The following CAB39L variants were observed in gnomAD, a reference collection of about 807,000 sequenced individuals.
The protein encoded by CAB39L is calcium-binding protein 39-like.
In CAB39L, 23 loss-of-function variants were observed where a neutral mutation model predicts 39.1. That is an observed-to-expected ratio of 0.59 (90% confidence interval 0.42 to 0.83). The LOEUF is 0.83. CAB39L is among the 40% of genes least tolerant of loss of function. The probability of loss-of-function intolerance (pLI) is 0.00; values close to 1 mark genes in which losing one functional copy is unlikely to be tolerated. For missense variants in CAB39L, 366 were observed against 391.9 expected, an observed-to-expected ratio of 0.93 and a Z score of 0.56; for synonymous variants, 126 against 137.2, an observed-to-expected ratio of 0.92 and a Z score of 0.57.
Position 49,376,969 on chromosome 13 carries a change from CAA to C in CAB39L, c.272_273del (p.Phe91Ter). ...TLIADLQLIDFEGKKDVTQIF... is the reference protein window; with the variant it reads ...TLIADLQLIDXEGKKDVTQIF... ...ACATCCTTTTACAGCTGGCTTACCT[CAA>C]AGTCTATCAGCTGCAGGTCAGCTAT... On this transcript the variant is annotated frameshift_variant, in exon 5 of 11. Coordinates refer to ENST00000409308, the MANE Select transcript of CAB39L (RefSeq NM_001079670.3). LOFTEE classifies it high-confidence loss of function. 1 of 1,606,218 alleles carries C rather than the reference CAA, an allele frequency of 6.2e-7. No individual in the cohort carries two copies. The highest frequency in any genetic ancestry group is 1.7e-5 in the Admixed American group (1 of 59,204).
At chr13:49,394,585 T>G (rs1956566138) in intron 3 of CAB39L, among the ~76,000 whole-genome samples, 1 of 152,170 alleles carries the variant, frequency 6.6e-6, no homozygotes, top group African/African-American at 2.4e-5. Flanking sequence ...CAAAAATGTT[T>G]ACTGCAATTT....
chr13:49,418,636 T>G (rs1957122194), intron 3 of CAB39L, among the ~76,000 whole-genome samples: 1 of 152,216 alleles, frequency 6.6e-6, no homozygotes, highest in African/African-American at 2.4e-5. Flanking sequence ...TGGCATGATC[T>G]CAACTCACTG....
chr13:49,441,611 T>A (rs534357820), intron 1 of CAB39L, among the ~76,000 whole-genome samples: 29 of 152,306 alleles, frequency 1.9e-4, no homozygotes, highest in South Asian at 4.1e-4. Context: ...TGTATGGACA[T>A]GCTGGAGTTT....
At chr13:49,360,600 C>T (rs915484736) in intron 5 of CAB39L, among the ~76,000 whole-genome samples, 5 of 152,084 alleles carry the variant, frequency 3.3e-5, no homozygotes, top group Non-Finnish European at 5.9e-5. Context: ...AAAATAAGTA[C>T]AAGAATGACT....
At position 49,308,867 on chromosome 13, in the gene CAB39L, G is replaced by C. The variant is rs1953907756; in HGVS notation, c.*1947C>G. 1 of 152,308 alleles carries C rather than the reference G, an allele frequency of 6.6e-6. No homozygotes were observed. Among genetic ancestry groups the C allele is most frequent in the Non-Finnish European group, 1.5e-5 (1 of 67,998 alleles). The allele number at this position is 152,308 out of a possible 1,614,324, so 9.4% of individuals were successfully genotyped here. On this transcript the variant is annotated 3_prime_UTR_variant, in exon 11 of 11. Transcript: ENST00000409308. ...AACCCCAGACTCTAGTTTTCTGTTT[G>C]AAAGGTACTGAGCTGGGATAATGGG...
At chr13:49,323,901 C>T (rs904427816) in intron 10 of CAB39L, among the ~76,000 whole-genome samples, 2 of 151,912 alleles carry the variant, frequency 1.3e-5, no homozygotes, top group Non-Finnish European at 2.9e-5. Flanking sequence ...TAGTATGTTC[C>T]GTGCAGTGCT....
chr13:49,337,644 T>C (rs1280057701), intron 9 of CAB39L, among the ~76,000 whole-genome samples: 3 of 151,806 alleles, frequency 2.0e-5, no homozygotes, highest in Non-Finnish European at 4.4e-5. Context: ...AACACCCTTA[T>C]CAGAGCCATC....
At chr13:49,318,882 A>G (rs1488096844) in intron 10 of CAB39L, among the ~76,000 whole-genome samples, 1 of 151,802 alleles carries the variant, frequency 6.6e-6, no homozygotes, top group Non-Finnish European at 1.5e-5. Context: ...AACAACCCAA[A>G]TGTCCCTTAA....
intron 5 of CAB39L, among the ~76,000 whole-genome samples, chr13:49,361,851 A>G (rs1248459588): frequency 1.3e-5 from 2 of 152,066 alleles, no homozygotes; most frequent in Non-Finnish European, 2.9e-5. Context: ...TGCCACATCG[A>G]TCAGTACCTC....
intron 5 of CAB39L, among the ~76,000 whole-genome samples, chr13:49,361,530 GAGAC>G (rs1465188543): frequency 1.4e-5 from 2 of 138,848 alleles, no homozygotes. Context: ...GAGAGAGAGA[GAGAC>G]AGAAAAAAAG....
intron 5 of CAB39L, among the ~76,000 whole-genome samples, chr13:49,363,837 G>A (rs1468789485): frequency 3.7e-4 from 52 of 140,298 alleles, no homozygotes; most frequent in Admixed American, 5.0e-4. Flanking sequence ...AAAAAAAAAA[G>A]AAAAGAAAAA....
At chr13:49,443,798 G>C (rs560415269) in intron 1 of CAB39L, among the ~76,000 whole-genome samples, 188 bp downstream of exon 1, 1 of 152,138 alleles carries the variant, frequency 6.6e-6, no homozygotes, top group South Asian at 2.1e-4. Context: ...CTCTAGCCAG[G>C]GATGAGACTC....
chr13:49,371,919 G>A (rs180724493), intron 5 of CAB39L, among the ~76,000 whole-genome samples: 25 of 152,154 alleles, frequency 1.6e-4, no homozygotes, highest in Admixed American at 1.2e-3. Context: ...TTAATGTAGC[G>A]AGAAATAATC....
intron 5 of CAB39L, among the ~76,000 whole-genome samples, chr13:49,365,217 A>G (rs1166412071): frequency 6.6e-6 from 1 of 152,216 alleles, no homozygotes; most frequent in East Asian, 1.9e-4. Context: ...GTCTTCAACA[A>G]ATAGTGCAGA....
chr13:49,378,547 GC>G (rs1217660214), intron 4 of CAB39L, among the ~76,000 whole-genome samples: 30 of 64,000 alleles, frequency 4.7e-4, no homozygotes, highest in East Asian at 9.4e-4. Flanking sequence ...GGGGGGGTCA[GC>G]CCCCCCACCC....
chr13:49,346,551 A>G (rs1432608931), intron 7 of CAB39L, among the ~76,000 whole-genome samples: 1 of 152,128 alleles, frequency 6.6e-6, no homozygotes, highest in African/African-American at 2.4e-5. Flanking sequence ...TCTGATATCT[A>G]TATTTTTAAT....
intron 3 of CAB39L, among the ~76,000 whole-genome samples, chr13:49,405,063 T>C (rs1956842974): frequency 6.6e-6 from 1 of 152,014 alleles, no homozygotes; most frequent in South Asian, 2.1e-4. Flanking sequence ...ATATCAATAT[T>C]CAAGTATGAG....
At chr13:49,315,661 C>T (rs932433470) in intron 10 of CAB39L, among the ~76,000 whole-genome samples, 25 of 151,870 alleles carry the variant, frequency 1.6e-4, no homozygotes, top group Admixed American at 1.4e-3. Context: ...CCAAGGCGGG[C>T]GGATCATGAA....
chr13:49,322,895 G>A (rs560247043), intron 10 of CAB39L, among the ~76,000 whole-genome samples: 59 of 152,302 alleles, frequency 3.9e-4, no homozygotes, highest in African/African-American at 3.4e-4. Context: ...GTCACTCTCC[G>A]CAGCCTATTG....
Sources: gnomAD v4.1 joint callset for allele counts (sites outside exome capture counted in the v4.1 genomes callset) on GRCh38, gnomAD v4.1.1 for gene constraint, MANE v1.5 for transcripts, NCBI Gene and HGNC (gene_info 2026-07-23, HGNC 2026-07-21) for gene names.